The following KDM6A variants were observed in gnomAD, a reference collection of about 807,000 sequenced individuals.
KDM6A encodes the protein lysine demethylase 6A, also known as lysine-specific demethylase 6A.
KDM6A carries 11 observed loss-of-function variants against 117.6 expected under a neutral mutation model. The ratio of observed to expected loss-of-function variants is 0.09; its 90% CI spans 0.06 to 0.15. The LOEUF is 0.15. KDM6A is among the 10% of genes least tolerant of loss of function. KDM6A has a pLI of 1.00. For missense variants in KDM6A, 799 were observed against 1,077.3 expected (o/e 0.74, Z 3.62); for synonymous variants, 384 against 396.1 (o/e 0.97, Z 0.36).
chrX:44,976,435 C>T (rs933459401), intron 4 of KDM6A, among the ~76,000 whole-genome samples: 1 of 110,663 alleles, frequency 9.0e-6, no homozygotes, highest in East Asian at 2.8e-4. Flanking sequence ...CTCATGGATA[C>T]CAAAATCCAT....
At chrX:44,955,407 A>AC (rs774710198) in intron 2 of KDM6A, among the ~76,000 whole-genome samples, 91 of 111,568 alleles carry the variant, frequency 8.2e-4, no homozygotes, top group African/African-American at 2.9e-3. Context: ...AATAAAAGTG[A>AC]CCAGGATGGA....
intron 2 of KDM6A, among the ~76,000 whole-genome samples, chrX:44,882,547 A>G (rs2032406492): frequency 1.8e-5 from 2 of 112,298 alleles, no homozygotes; most frequent in Admixed American, 9.5e-5. Flanking sequence ...TTGTATTTTG[A>G]TACTGCTATA....
rs375757024 is a variant in KDM6A, at chrX:44,981,440, G to T, written c.384+6725G>T. 7.2e-5 allele frequency among the ~76,000 whole-genome samples: 8 copies of T among 111,885 alleles called. No homozygotes were observed. The East Asian group carries it at 1.1e-3, about 16-fold the overall frequency. ...GTGGGAAGTGGCATGGAGCCTCCATGCCCTCTCTGGGCATGTCACCCTCTA... is the reference window on the plus strand; with the variant it reads ...GTGGGAAGTGGCATGGAGCCTCCATTCCCTCTCTGGGCATGTCACCCTCTA... On this transcript the variant is annotated intron_variant, in intron 4 of 29. Coordinates refer to ENST00000611820, the MANE Select transcript of KDM6A (RefSeq NM_001291415.2).
chrX:45,049,446 C>T (rs1330486328), intron 8 of KDM6A, among the ~76,000 whole-genome samples: 1 of 111,946 alleles, frequency 8.9e-6, no homozygotes, highest in East Asian at 2.8e-4. Flanking sequence ...TAACTTTATA[C>T]TTTTACCTTT....
intron 17 of KDM6A, among the ~76,000 whole-genome samples, chrX:45,066,217 C>T (rs1396840023): frequency 4.5e-5 from 5 of 111,598 alleles, no homozygotes; most frequent in African/African-American, 9.8e-5. Flanking sequence ...AATTGTAGTT[C>T]GCTTCAAGAT....
intron 2 of KDM6A, among the ~76,000 whole-genome samples, chrX:44,950,972 A>G (rs1417429435): frequency 9.1e-6 from 1 of 110,022 alleles, no homozygotes; most frequent in East Asian, 2.8e-4. Context: ...CTCATTACAG[A>G]TACCTCTTCC....
At chrX:45,103,019 A>G (rs1006417540) in intron 27 of KDM6A, among the ~76,000 whole-genome samples, 2 of 110,864 alleles carry the variant, frequency 1.8e-5, no homozygotes, top group Non-Finnish European at 3.8e-5. Context: ...GGTGTTCGTT[A>G]AGTTATCTAC....
In KDM6A at chrX:44,984,693, C is replaced by G. The variant is rs749462634; in HGVS notation, c.384+9978C>G. Among the ~76,000 whole-genome samples the G allele has an allele frequency of 2.3e-4, 26 of 111,555 alleles. No individual in the cohort carries two copies. In the South Asian group the frequency reaches 8.7e-3, roughly 37 times the overall value. On this transcript the variant is annotated intron_variant, in intron 4 of 29. Transcript: ENST00000611820. Reference sequence around the variant, plus strand: ...AATCCTTTCCCCGTTGCTTGTTTTTCTCAGGTTTGTCAAAGATCAGATAGT... The same window carrying G: ...AATCCTTTCCCCGTTGCTTGTTTTTGTCAGGTTTGTCAAAGATCAGATAGT...
At chrX:45,014,855 A>G (rs770874790) in intron 5 of KDM6A, among the ~76,000 whole-genome samples, 82 of 111,524 alleles carry the variant, frequency 7.4e-4, no homozygotes, top group Non-Finnish European at 1.5e-3. Flanking sequence ...TTTCCATTCC[A>G]TTGATCAATA....
At chrX:45,104,850 C>T (rs1219249226) in intron 27 of KDM6A, among the ~76,000 whole-genome samples, 1 of 112,038 alleles carries the variant, frequency 8.9e-6, no homozygotes, top group East Asian at 2.8e-4. Context: ...ATTCCAGAAG[C>T]AGACTGACTA....
rs1302674400 is a variant in KDM6A, at chrX:45,063,593, T to G, written c.1855T>G (p.Leu619Val). 2.5e-6 allele frequency: 3 copies of G among 1,209,625 alleles called. No homozygotes were observed. The highest frequency in any genetic ancestry group is 3.4e-6 in the Non-Finnish European group (3 of 894,993). ...GVRPACPGQPLANGPFSAGHV... is the reference protein window; with the variant it reads ...GVRPACPGQPVANGPFSAGHV... ...CCGTCCTGCCTGCCCTGGGCAGCCTTTGGCCAATGGACCCTTTTCTGCAGG... is the reference window on the plus strand; with the variant it reads ...CCGTCCTGCCTGCCCTGGGCAGCCTGTGGCCAATGGACCCTTTTCTGCAGG... Residue 619 changes from leucine to valine, a missense_variant, in exon 17 of 30, where the codon TTG becomes GTG. Physicochemically the swap from Leu to Val is conservative, Grantham distance 32. Coordinates refer to ENST00000611820, the MANE Select transcript of KDM6A (RefSeq NM_001291415.2).
At chrX:44,928,378 T>C (rs1172714222) in intron 2 of KDM6A, among the ~76,000 whole-genome samples, 1 of 112,236 alleles carries the variant, frequency 8.9e-6, no homozygotes, top group Non-Finnish European at 1.9e-5. Flanking sequence ...TTCCTTGTAC[T>C]ATCTTTTCAA....
intron 27 of KDM6A, among the ~76,000 whole-genome samples, chrX:45,100,581 A>G (rs1353840724): frequency 9.0e-6 from 1 of 111,615 alleles, no homozygotes; most frequent in Non-Finnish European, 1.9e-5. Context: ...GAGCATATCA[A>G]ATAGTATGCT....
At chrX:44,893,001 TAAAAAAAAAAAA>T (rs35013547) in intron 2 of KDM6A, among the ~76,000 whole-genome samples, 2 of 50,243 alleles carry the variant, frequency 4.0e-5, no homozygotes, top group Non-Finnish European at 7.0e-5. Flanking sequence ...AGACTCCATC[TAAAAAAAAAAAA>T]AAAAAAAAAA....
chrX:45,101,514 G>C (rs2046339692), intron 27 of KDM6A, among the ~76,000 whole-genome samples: 1 of 110,501 alleles, frequency 9.0e-6, no homozygotes, highest in African/African-American at 3.3e-5. Flanking sequence ...CCAATATCAT[G>C]ACTTGAGTGG....
chrX:45,090,392 T>C (rs760575623), intron 26 of KDM6A, among the ~76,000 whole-genome samples: 5 of 112,019 alleles, frequency 4.5e-5, no homozygotes, highest in Non-Finnish European at 9.4e-5. Context: ...CTGGCTCTTG[T>C]AACTTTGGGC....
At chrX:45,082,870 C>T in intron 23 of KDM6A, 81 bp downstream of exon 23, 1 of 628,453 alleles carries the variant, frequency 1.6e-6, no homozygotes, top group South Asian at 2.6e-5. Context: ...ACAATTTCCT[C>T]TTCTGTTTCA....
At chrX:44,987,870 C>G (rs966519376) in intron 4 of KDM6A, among the ~76,000 whole-genome samples, 5 of 111,028 alleles carry the variant, frequency 4.5e-5, no homozygotes, top group Admixed American at 9.6e-5. Flanking sequence ...TTTGGTGAAT[C>G]TGACCATTAT....
At chrX:45,053,051 G>A (rs2043927125) in intron 9 of KDM6A, among the ~76,000 whole-genome samples, 1 of 111,509 alleles carries the variant, frequency 9.0e-6, no homozygotes, top group South Asian at 3.8e-4. Context: ...GTAGGATTGT[G>A]TGTATATTTT....
Sources: gnomAD v4.1 joint callset for allele counts (sites outside exome capture counted in the v4.1 genomes callset) on GRCh38, gnomAD v4.1.1 for gene constraint, MANE v1.5 for transcripts, NCBI Gene and HGNC (gene_info 2026-07-23, HGNC 2026-07-21) for gene names.